MRPS5: variants seen among roughly 807,000 people sequenced by gnomAD.
The protein encoded by MRPS5 is mitochondrial ribosomal protein S5, also known as small ribosomal subunit protein uS5m.
Under a neutral mutation model 51.9 loss-of-function variants are expected in MRPS5, and 27 were observed. That is an observed-to-expected ratio of 0.52 (90% CI 0.38 to 0.72). The LOEUF is 0.72. MRPS5 is among the 30% of genes least tolerant of loss of function. The pLI is 0.00. For missense variants in MRPS5, 570 were observed against 545.7 expected, an observed-to-expected ratio of 1.04 and a Z score of -0.44; for synonymous variants, 196 against 193.2, an observed-to-expected ratio of 1.01 and a Z score of -0.12.
rs1573319969 is a variant in MRPS5 at position 95,087,250 on chromosome 2, CT to C, written c.*106del. On this transcript the variant is annotated 3_prime_UTR_variant, in exon 12 of 12. Coordinates refer to ENST00000272418, the MANE Select transcript of MRPS5 (RefSeq NM_031902.5). ...ATTTCCAAAGAGTTTAAAGATTAAA[CT>C]TCCCTCAAAACAAACAAAAGGCAAG... 5 of 768,188 alleles carry C rather than the reference CT, an allele frequency of 6.5e-6. No individual in the cohort carries two copies. The East Asian group carries it at 1.3e-4, about 20-fold the overall frequency. The allele number at this position is 768,188 out of a possible 1,614,324, so 47.6% of individuals were successfully genotyped here. A position where few individuals can be genotyped will look rare whatever the true frequency, so the allele number is the denominator to read the frequency against.
chr2:95,109,522 G>T (rs1676053028), intron 4 of MRPS5, among the ~76,000 whole-genome samples: 1 of 152,240 alleles, frequency 6.6e-6, no homozygotes, highest in Non-Finnish European at 1.5e-5. Flanking sequence ...GGCTGTTTCT[G>T]TGCTACAACA....
intron 2 of MRPS5, 70 bp downstream of exon 2, chr2:95,117,795 T>A: frequency 1.5e-6 from 2 of 1,327,666 alleles, no homozygotes; most frequent in Non-Finnish European, 2.1e-6. Flanking sequence ...TACTTATATT[T>A]TTTAAAACTA....
At position 95,119,924 on chromosome 2, in the gene MRPS5, A is replaced by G. The variant is rs115830636; in HGVS notation, c.58+1810T>C. Among the ~76,000 whole-genome samples, 639 of 152,240 alleles carry G rather than the reference A, an allele frequency of 4.2e-3. 11 individuals carry two copies. Among genetic ancestry groups the G allele is most frequent in the African/African-American group, 0.015 (611 of 41,566 alleles). ...AAAAATAAAGAAAAACTAGCCGGGC[A>G]TGGTGGCATGCACCTGTAATCCCAA... On this transcript the variant is annotated intron_variant, in intron 1 of 11. Coordinates refer to ENST00000272418, the MANE Select transcript of MRPS5 (RefSeq NM_031902.5).
At chr2:95,097,795 C>A (rs1237771660) in intron 10 of MRPS5, among the ~76,000 whole-genome samples, 1 of 152,116 alleles carries the variant, frequency 6.6e-6, no homozygotes, top group Non-Finnish European at 1.5e-5. Context: ...TGGGCAAGGA[C>A]TTCATGACTA....
chr2:95,090,270 ACTC>A lies in MRPS5; in HGVS notation c.1068+113_1068+115del, dbSNP rs139105019. The stretch of plus-strand genomic sequence containing the variant: ...AGTCACAGACAACAAAGAATGCCCA[ACTC>A]CTCAGGTGGCCCCAGGAAAGCATCT... On this transcript the variant is annotated intron_variant, in intron 11 of 11. Transcript: ENST00000272418. 5.7e-3 allele frequency: 5,646 copies of A among 988,374 alleles called. 213 individuals carry two copies. The African/African-American group carries it at 0.082, about 14-fold the overall frequency. The allele number at this position is 988,374 out of a possible 1,614,324, so 61.2% of individuals were successfully genotyped here. A position where few individuals can be genotyped will look rare whatever the true frequency, so the allele number is the denominator to read the frequency against.
chr2:95,101,887 T>G, intron 7 of MRPS5, 164 bp from the exon 8 acceptor site: 1 of 585,314 alleles, frequency 1.7e-6, no homozygotes, highest in Non-Finnish European at 3.0e-6. Flanking sequence ...GGTGTAATGA[T>G]TCACATCCGT....
chr2:95,107,620 G>A (rs1478888832), intron 5 of MRPS5, among the ~76,000 whole-genome samples: 10 of 152,098 alleles, frequency 6.6e-5, no homozygotes, highest in Non-Finnish European at 1.3e-4. Flanking sequence ...AGAAAGCAGC[G>A]AAACTCTTAC....
chr2:95,099,583 C>A (rs1675737877), intron 10 of MRPS5, among the ~76,000 whole-genome samples: 2 of 152,108 alleles, frequency 1.3e-5, no homozygotes, highest in East Asian at 3.8e-4. Context: ...ATAGCCAGGC[C>A]CGCTAGTGAC....
chr2:95,106,725 T>C (rs978181793), intron 5 of MRPS5: 1 of 506,116 alleles, frequency 2.0e-6, no homozygotes, highest in African/African-American at 1.9e-5. Context: ...AGACCCTGGA[T>C]CCCTGCTCTC....
At chr2:95,088,387 G>C (rs1026054102) in intron 11 of MRPS5, among the ~76,000 whole-genome samples, 1 of 152,178 alleles carries the variant, frequency 6.6e-6, no homozygotes, top group Non-Finnish European at 1.5e-5. Flanking sequence ...CAGGGCCATG[G>C]GGATTCACTG....
chr2:95,092,364 A>G (rs1675492599), intron 10 of MRPS5: 1 of 152,260 alleles, frequency 6.6e-6, no homozygotes, highest in South Asian at 2.1e-4. Context: ...ATGGCAGTGC[A>G]TTAAAGATTG....
intron 7 of MRPS5, among the ~76,000 whole-genome samples, chr2:95,103,297 CAT>C (rs1288972179): frequency 6.6e-6 from 1 of 152,138 alleles, no homozygotes; most frequent in Non-Finnish European, 1.5e-5. Context: ...ACGGGCAAAG[CAT>C]ATAACGAACA....
intron 7 of MRPS5, 30 bp downstream of exon 7, chr2:95,104,610 G>A (rs749352580): frequency 9.9e-6 from 16 of 1,608,268 alleles, no homozygotes; most frequent in Admixed American, 1.7e-5. Context: ...GCACACCACC[G>A]CCACTGTGAT....
chr2:95,090,354 A>T (rs748291238), intron 11 of MRPS5, 32 bp downstream of exon 11: 1 of 1,610,482 alleles, frequency 6.2e-7, no homozygotes, highest in Admixed American at 1.7e-5. Context: ...TACAAACTAG[A>T]ACCTCTGTTT....
At chr2:95,108,482 C>T in intron 4 of MRPS5, 74 bp from the exon 5 acceptor site, 1 of 1,195,732 alleles carries the variant, frequency 8.4e-7, no homozygotes, top group Non-Finnish European at 1.2e-6. Context: ...TCAGGCAATG[C>T]ATGTACAGAT....
At chr2:95,106,951 A>C (rs1347854712) in intron 5 of MRPS5, among the ~76,000 whole-genome samples, 1 of 152,072 alleles carries the variant, frequency 6.6e-6, no homozygotes, top group African/African-American at 2.4e-5. Context: ...CCCACTAAAA[A>C]TCCATGAGCC....
At chr2:95,113,015 GAA>G (rs370896137) in intron 3 of MRPS5, among the ~76,000 whole-genome samples, 1 of 121,612 alleles carries the variant, frequency 8.2e-6, no homozygotes, top group Admixed American at 8.3e-5. Flanking sequence ...AAAAAGAAAA[GAA>G]AAAAAAAAAA....
chr2:95,113,398 C>T (rs2104424836), intron 3 of MRPS5, among the ~76,000 whole-genome samples: 1 of 152,238 alleles, frequency 6.6e-6, no homozygotes, highest in Middle Eastern at 3.4e-3. Flanking sequence ...ATCGCTTGAA[C>T]CCAGGAGGTG....
At chr2:95,108,145 C>T (rs767263358) in intron 5 of MRPS5, 30 bp downstream of exon 5, 13 of 1,594,990 alleles carry the variant, frequency 8.2e-6, no homozygotes, top group Non-Finnish European at 1.0e-5. Context: ...CTCTCTGTCA[C>T]AAAGGCAAAC....
Sources: allele counts gnomAD v4.1 joint callset (sites outside exome capture counted in the v4.1 genomes callset), GRCh38; gene constraint gnomAD v4.1.1; transcripts MANE v1.5; gene names NCBI Gene and HGNC (gene_info 2026-07-23, HGNC 2026-07-21).